Variants in ZIM3 observed in about 807,000 individuals in gnomAD.
ZIM3 encodes zinc finger protein 657.
ZIM3 carries 11 observed loss-of-function variants against 12.9 expected under a neutral mutation model. The observed-to-expected ratio is 0.85, with a 90% CI of 0.54 to 1.41. The LOEUF is 1.41. Ranked by LOEUF, ZIM3 falls within the 40% of genes most tolerant of loss-of-function variation. ZIM3 has a pLI of 0.00. For synonymous variants in ZIM3, 205 were observed against 198.5 expected (o/e 1.03, Z -0.28); for missense variants, 604 against 557.2 (o/e 1.08, Z -0.85).
intron 2 of ZIM3, among the ~76,000 whole-genome samples, chr19:57,139,615 A>G (rs759593436): frequency 6.6e-5 from 10 of 151,596 alleles, no homozygotes; most frequent in South Asian, 2.1e-4. Context: ...AATCCCAGCT[A>G]CTCAGGAGGC....
Position 57,135,207 on chromosome 19 carries a change from T to C in ZIM3, c.1130A>G (p.Asn377Ser). The C allele has an allele frequency of 6.2e-7, 1 of 1,613,702 alleles. No homozygotes were observed. The highest frequency in any genetic ancestry group is 8.5e-7 in the Non-Finnish European group (1 of 1,179,868). The change falls in exon 5 of 5, where the codon AAC (asparagine) becomes AGC (serine). Residue 377 changes from asparagine to serine, a missense_variant. Physicochemically the swap from Asn to Ser is conservative, Grantham distance 46. Transcript: ENST00000269834. ...LCGNTFIQKK[N>S]LIQHKKIHTG... ...ATGGATTTTTTTATGTTGAATGAGGTTTTTCTTCTGGATAAAGGTATTTCC... is the reference window on the plus strand; with the variant it reads ...ATGGATTTTTTTATGTTGAATGAGGCTTTTCTTCTGGATAAAGGTATTTCC...
intron 2 of ZIM3, among the ~76,000 whole-genome samples, chr19:57,141,667 A>T (rs2086914581): frequency 6.6e-6 from 1 of 151,986 alleles, no homozygotes; most frequent in African/African-American, 2.4e-5. Flanking sequence ...CCTGGCCAAC[A>T]TGGTGAAGCC....
Position 57,135,477 on chromosome 19 carries a change from G to A in ZIM3, c.860C>T (p.Ser287Phe), listed in dbSNP as rs2086881833. The A allele has an allele frequency of 6.2e-7, 1 of 1,614,100 alleles. No homozygotes were observed. Among genetic ancestry groups the A allele is most frequent in the East Asian group, 2.2e-5 (1 of 44,854 alleles). ...KSYQCNECEK[S>F]FRQNSTLIQH... ...AATGAGGGTTGAGTTCTGCCTGAAG[G>A]ATTTCTCACATTCATTACACTGATA... is the stretch of plus-strand genomic sequence containing the variant. Residue 287 changes from serine to phenylalanine, a missense_variant, in exon 5 of 5, where the codon TCC (serine) becomes TTC (phenylalanine). Physicochemically the swap from Ser to Phe is radical, Grantham distance 155. Coordinates refer to ENST00000269834, the MANE Select transcript of ZIM3 (RefSeq NM_052882.1).
rs773111405 is a variant in ZIM3, at chr19:57,138,466, C to T, written c.142+6G>A. 1 of 1,614,170 alleles carries T rather than the reference C, an allele frequency of 6.2e-7. No homozygotes were observed. Among genetic ancestry groups the T allele is most frequent in the African/African-American group, 1.3e-5 (1 of 75,036 alleles). On this transcript the variant is annotated splice_donor_region_variant and intron_variant, in intron 3 of 4. Transcript: ENST00000269834. ...TGAGTCCCCCTGCCCGGGAAGCCGTCCTTACCCACAGAGACAAGGTTGCTG... is the reference window on the plus strand; with the variant it reads ...TGAGTCCCCCTGCCCGGGAAGCCGTTCTTACCCACAGAGACAAGGTTGCTG...
At chr19:57,138,680 C>A in intron 2 of ZIM3, 82 bp from the exon 3 acceptor site, 1 of 1,534,754 alleles carries the variant, frequency 6.5e-7, no homozygotes, top group Non-Finnish European at 8.9e-7. Context: ...TCTGCTGAAC[C>A]AAGCTTTAAT....
rs140629664 is a variant in ZIM3 at position 57,135,807 on chromosome 19, C to G, written c.530G>C (p.Ser177Thr). The G allele has an allele frequency of 6.2e-7, 1 of 1,613,998 alleles. No individual in the cohort carries two copies. Among genetic ancestry groups the G allele is most frequent in the African/African-American group, 1.3e-5 (1 of 74,916 alleles). ...GTGACTTTGAAGGCGTGACTTTGAACTGAATAACTTTCTACAGGCATTACA... is the reference window on the plus strand; with the variant it reads ...GTGACTTTGAAGGCGTGACTTTGAAGTGAATAACTTTCTACAGGCATTACA... ...LKCNACRKLFSSKSRLQSHLR... is the reference protein window; with the variant it reads ...LKCNACRKLFTSKSRLQSHLR... Residue 177 changes from serine (S) to threonine (T), a missense_variant, in exon 5 of 5, where the codon AGT becomes ACT. Coordinates refer to ENST00000269834, the MANE Select transcript of ZIM3 (RefSeq NM_052882.1).
At chr19:57,139,352 G>GA (rs915376391) in intron 2 of ZIM3, among the ~76,000 whole-genome samples, 74 of 151,770 alleles carry the variant, frequency 4.9e-4, no homozygotes, top group African/African-American at 1.7e-3. Context: ...AAAAGAAAAA[G>GA]AAAAGAAAAG....
Position 57,142,627 on chromosome 19 carries a change from A to T in ZIM3, c.15+2T>A, listed in dbSNP as rs755175576. The T allele has an allele frequency of 6.2e-7, 1 of 1,613,736 alleles. No individual in the cohort carries two copies. The highest frequency in any genetic ancestry group is 8.5e-7 in the Non-Finnish European group (1 of 1,179,754). On this transcript the variant is annotated splice_donor_variant, in intron 2 of 4. Transcript: ENST00000269834. LOFTEE classifies it high-confidence loss of function. ...AGATTTAGATTTTTTTGAAAAGCTC[A>T]CCTGGGAATTGTTCATTTCCTGTTC...
Position 57,143,154 on chromosome 19 carries a change from T to C in ZIM3, c.-42-469A>G, listed in dbSNP as rs187718120. Among the ~76,000 whole-genome samples the C allele has an allele frequency of 6.3e-3, 963 of 152,148 alleles. 7 individuals carry two copies. The highest frequency in any genetic ancestry group is 0.021 in the African/African-American group (864 of 41,506). Reference sequence around the variant, plus strand: ...CATCCTGGCCAACACGGTGAAACCCTGTCTCTACTAAAAATACAAAAACAA... The same window carrying C: ...CATCCTGGCCAACACGGTGAAACCCCGTCTCTACTAAAAATACAAAAACAA... On this transcript the variant is annotated intron_variant, in intron 1 of 4. Coordinates refer to ENST00000269834, the MANE Select transcript of ZIM3 (RefSeq NM_052882.1).
Position 57,134,396 on chromosome 19 carries a change from C to T in ZIM3, c.*522G>A, listed in dbSNP as rs1440649492. The T allele has an allele frequency of 6.5e-6, 1 of 153,336 alleles. No individual in the cohort carries two copies. The highest frequency in any genetic ancestry group is 2.4e-5 in the African/African-American group (1 of 41,454). The allele number at this position is 153,336 out of a possible 1,614,324, so 9.5% of individuals were successfully genotyped here. On this transcript the variant is annotated 3_prime_UTR_variant, in exon 5 of 5. Coordinates refer to ENST00000269834, the MANE Select transcript of ZIM3 (RefSeq NM_052882.1). The stretch of plus-strand genomic sequence containing the variant: ...CCAGGTTCAAGCAATTCTCCTGCCT[C>T]AGCCTCCCGGGTAGCTGGGATTACA...
intron 2 of ZIM3, among the ~76,000 whole-genome samples, chr19:57,138,915 G>C (rs763688070): frequency 6.6e-6 from 1 of 152,208 alleles, no homozygotes; most frequent in Non-Finnish European, 1.5e-5. Context: ...CAGAGGCCGA[G>C]TATGGTGGCT....
intron 2 of ZIM3, 69 bp from the exon 3 acceptor site, chr19:57,138,667 G>C (rs546111012): frequency 1.3e-6 from 2 of 1,571,976 alleles, no homozygotes; most frequent in South Asian, 1.2e-5. Context: ...ACAGAAACTT[G>C]TTTCTGCTGA....
In ZIM3 at chr19:57,135,407, C is replaced by A. The variant is rs137976499; in HGVS notation, c.930G>T (p.Thr310=). ...TGTAAATGAAAGCCTTTCCACAGTC[C>A]GTACATTGAAAGGGTTTTTGTCCAG... ...VHTGQKPFQC[T]DCGKAFIYKS... The change falls in exon 5 of 5, where the codon ACG becomes ACT. Residue 310 remains threonine (T), a synonymous_variant. Coordinates refer to ENST00000269834, the MANE Select transcript of ZIM3 (RefSeq NM_052882.1). The A allele has an allele frequency of 6.2e-7, 1 of 1,613,972 alleles. No individual in the cohort carries two copies. The highest frequency in any genetic ancestry group is 1.1e-5 in the South Asian group (1 of 91,072).
In ZIM3 at chr19:57,135,229, T is replaced by G. The variant is rs1345450739; in HGVS notation, c.1108A>C (p.Asn370His). 1.2e-6 allele frequency: 2 copies of G among 1,613,890 alleles called. No individual in the cohort carries two copies. Among genetic ancestry groups the G allele is most frequent in the Admixed American group, 1.7e-5 (1 of 59,962 alleles). Residue 370 changes from asparagine (N) to histidine (H), a missense_variant, in exon 5 of 5, where the codon AAT (asparagine) becomes CAT (histidine). Transcript: ENST00000269834. ...AGGTTTTTCTTCTGGATAAAGGTAT[T>G]TCCACATAGATCACACTCATAAGCT... ...KRAYECDLCG[N>H]TFIQKKNLIQ... is the part of the protein sequence containing the mutation.
intron 4 of ZIM3, among the ~76,000 whole-genome samples, 153 bp from the exon 5 acceptor site, chr19:57,136,248 A>G (rs186407980): frequency 3.9e-5 from 6 of 152,318 alleles, no homozygotes; most frequent in Admixed American, 1.3e-4. Context: ...TTAGAGTTCT[A>G]TGTGAGCTAA....
In ZIM3 at chr19:57,143,025, C is replaced by T. The variant is rs566925892; in HGVS notation, c.-42-340G>A. ...CCTGTCCAACATGGTGAAACCCCGT[C>T]TCTACTAAAAATACAAAATTGGCTG... On this transcript the variant is annotated intron_variant, in intron 1 of 4. Coordinates refer to ENST00000269834, the MANE Select transcript of ZIM3 (RefSeq NM_052882.1). 9.2e-5 allele frequency among the ~76,000 whole-genome samples: 14 copies of T among 152,104 alleles called. No individual in the cohort carries two copies. The East Asian group carries it at 2.5e-3, about 27-fold the overall frequency.
At chr19:57,141,970 A>G (rs1242362499) in intron 2 of ZIM3, among the ~76,000 whole-genome samples, 1 of 151,810 alleles carries the variant, frequency 6.6e-6, no homozygotes, top group Non-Finnish European at 1.5e-5. Flanking sequence ...TGCTGTATAA[A>G]CCCCTAGTTT....
At chr19:57,138,650 T>A in intron 2 of ZIM3, 52 bp from the exon 3 acceptor site, 1 of 1,595,566 alleles carries the variant, frequency 6.3e-7, no homozygotes, top group Non-Finnish European at 8.6e-7. Flanking sequence ...ATCCTGCGGC[T>A]GAGGATACAG....
intron 2 of ZIM3, among the ~76,000 whole-genome samples, chr19:57,141,398 CAAAAAA>C (rs66633580): frequency 0.44 from 46,365 of 105,898 alleles, 8,905 homozygotes; most frequent in South Asian, 0.55. Context: ...GAGACTGTCT[CAAAAAA>C]AAAAAAAAAA....
Sources: allele counts gnomAD v4.1 joint callset (sites outside exome capture counted in the v4.1 genomes callset), GRCh38; gene constraint gnomAD v4.1.1; transcripts MANE v1.5; gene names NCBI Gene and HGNC (gene_info 2026-07-23, HGNC 2026-07-21).